The following FAM53A variants were observed in gnomAD, a reference collection of about 807,000 sequenced individuals.
FAM53A encodes the protein family with sequence similarity 53 member A, also known as protein FAM53A.
In FAM53A, 28 loss-of-function variants were observed where a neutral mutation model predicts 26.6. The ratio of observed to expected loss-of-function variants is 1.05; its 90% CI spans 0.78 to 1.45. The LOEUF is 1.45. FAM53A is among the 40% of genes most tolerant of loss of function. The pLI is 0.00. For synonymous variants in FAM53A, 290 were observed against 253.1 expected, an observed-to-expected ratio of 1.15 and a Z score of -1.38; for missense variants, 650 against 575.8, an observed-to-expected ratio of 1.13 and a Z score of -1.32.
chr4:1,655,520 C>T lies in FAM53A; in HGVS notation c.340G>A (p.Ala114Thr). 1.3e-6 allele frequency: 2 copies of T among 1,567,992 alleles called. No homozygotes were observed. Among genetic ancestry groups the T allele is most frequent in the Admixed American group, 1.9e-5 (1 of 53,230 alleles). The part of the protein sequence containing the change: ...DPSESTGSST[A>T]PPTKRHCRSL... ...CGGCAATGCCGCTTGGTCGGTGGGG[C>T]CGTGGACGAGCCTGTGCTTTCACTG... Residue 114 changes from alanine to threonine, a missense_variant, in exon 4 of 5, where the codon GCC (alanine) becomes ACC (threonine). Physicochemically the swap from Ala to Thr is moderately conservative, Grantham distance 58. Coordinates refer to ENST00000308132, the MANE Select transcript of FAM53A (RefSeq NM_001174070.3).
chr4:1,603,733 C>T, the FAM53A span, among the ~76,000 whole-genome samples: 13,421 of 152,284 alleles, frequency 0.088, 1,766 homozygotes, highest in African/African-American at 0.28. Context: ...CCCCTCGGGA[C>T]GTGCTGAAAT....
At chr4:1,673,732 CA>C (rs1204313853) in intron 1 of FAM53A, among the ~76,000 whole-genome samples, 3 of 151,306 alleles carry the variant, frequency 2.0e-5, no homozygotes, top group East Asian at 1.9e-4. Flanking sequence ...GACTCCGTTT[CA>C]AAAAAAAATC....
At chr4:1,599,003 G>A in the FAM53A span, among the ~76,000 whole-genome samples, 1 of 152,266 alleles carries the variant, frequency 6.6e-6, no homozygotes, top group South Asian at 2.1e-4. The surrounding 1 kb of genome is among the most constrained non-coding windows in gnomAD (Gnocchi z 6.1). Flanking sequence ...GGTGCGTGCG[G>A]GTGCAGCACC....
chr4:1,672,124 A>C lies in FAM53A; in HGVS notation c.-164-3219T>G, dbSNP rs548651038. 1.1e-4 allele frequency among the ~76,000 whole-genome samples: 16 copies of C among 149,204 alleles called. No homozygotes were observed. In the South Asian group the frequency reaches 3.3e-3, roughly 30 times the overall value. On this transcript the variant is annotated intron_variant, in intron 1 of 4. Coordinates refer to ENST00000308132, the MANE Select transcript of FAM53A (RefSeq NM_001174070.3). Reference sequence around the variant, plus strand: ...CAGGAACCCACAGATCCAGGAACCCAGGGACCTAGGGACCCAAAGACCCAG... The same window carrying C: ...CAGGAACCCACAGATCCAGGAACCCCGGGACCTAGGGACCCAAAGACCCAG...
downstream of FAM53A, among the ~76,000 whole-genome samples, chr4:1,636,147 A>G (rs1373868630): frequency 6.6e-6 from 1 of 152,136 alleles, no homozygotes; most frequent in Non-Finnish European, 1.5e-5. Flanking sequence ...ACGCCCGGCC[A>G]TGATACTAAT....
intron 4 of FAM53A, 112 bp downstream of exon 4, chr4:1,654,866 G>T: frequency 7.2e-7 from 1 of 1,396,562 alleles, no homozygotes. Flanking sequence ...CCAGCCCAGA[G>T]AAGACCAGCC....
chr4:1,637,631 CGGCAGGGGTG>C (rs142291972), downstream of FAM53A, among the ~76,000 whole-genome samples: 32,315 of 147,812 alleles, frequency 0.22, 3,843 homozygotes, highest in South Asian at 0.29. Context: ...GGGGGCAGCC[CGGCAGGGGTG>C]GGCAGGGGTG....
chr4:1,685,447 CAG>C (rs1179935129), upstream of FAM53A, among the ~76,000 whole-genome samples: 1 of 151,970 alleles, frequency 6.6e-6, no homozygotes, highest in African/African-American at 2.4e-5. Flanking sequence ...TGTGGGCAGA[CAG>C]ATGCATGGAG....
the FAM53A span, among the ~76,000 whole-genome samples, chr4:1,585,557 T>G: frequency 1.3e-5 from 2 of 152,068 alleles, no homozygotes; most frequent in Non-Finnish European, 2.9e-5. Context: ...GTGCTGAGAT[T>G]ACAGGTGTGA....
At chr4:1,664,539 T>C (rs1369964689) in intron 2 of FAM53A, among the ~76,000 whole-genome samples, 1 of 152,228 alleles carries the variant, frequency 6.6e-6, no homozygotes, top group East Asian at 1.9e-4. Flanking sequence ...CTATTTAAAA[T>C]ACTGACTTGT....
chr4:1,663,513 C>T (rs73798417), intron 2 of FAM53A, among the ~76,000 whole-genome samples: 11,814 of 152,148 alleles, frequency 0.078, 1,312 homozygotes, highest in African/African-American at 0.24. Flanking sequence ...CTCTCAAACA[C>T]GAACCTGATC....
intron 4 of FAM53A, 74 bp from the exon 5 acceptor site, chr4:1,641,681 G>A (rs1389712117): frequency 7.3e-6 from 11 of 1,508,650 alleles, no homozygotes; most frequent in Admixed American, 5.0e-5. Flanking sequence ...CCAACCCATC[G>A]AGGGCTCGGT....
At chr4:1,581,661 G>C in the FAM53A span, among the ~76,000 whole-genome samples, 1 of 152,194 alleles carries the variant, frequency 6.6e-6, no homozygotes, top group African/African-American at 2.4e-5. Flanking sequence ...CAATGGGGCA[G>C]TCTTGGCTCA....
chr4:1,672,024 C>CACACAGGAACCCATGAACCCAGAT (rs1714695209), intron 1 of FAM53A, among the ~76,000 whole-genome samples: 2 of 149,804 alleles, frequency 1.3e-5, no homozygotes, highest in African/African-American at 2.5e-5. Context: ...TGAACACAGG[C>CACACAGGAACCCATGAACCCAGAT]ACCCAGGAAC....
intron 4 of FAM53A, among the ~76,000 whole-genome samples, chr4:1,647,974 T>C (rs1712397988): frequency 6.6e-6 from 1 of 151,902 alleles, no homozygotes; most frequent in Non-Finnish European, 1.5e-5. Context: ...CTTTGGGAGG[T>C]GAGGCAGGAA....
intron 2 of FAM53A, among the ~76,000 whole-genome samples, chr4:1,662,927 G>GCC (rs1713946283): frequency 3.3e-5 from 5 of 152,190 alleles, no homozygotes; most frequent in Non-Finnish European, 7.3e-5. Flanking sequence ...AGGCACAGTG[G>GCC]CTCATGCCTG....
At chr4:1,604,074 G>C in the FAM53A span, among the ~76,000 whole-genome samples, 1 of 152,320 alleles carries the variant, frequency 6.6e-6, no homozygotes, top group South Asian at 2.1e-4. Flanking sequence ...CCATCATCGC[G>C]GGGTGGTCCA....
intron 4 of FAM53A, among the ~76,000 whole-genome samples, chr4:1,648,407 G>A (rs1560149515): frequency 6.6e-6 from 1 of 152,230 alleles, no homozygotes; most frequent in South Asian, 2.1e-4. Flanking sequence ...CAGTTTTTGG[G>A]TGGGATGAGC....
the FAM53A span, among the ~76,000 whole-genome samples, chr4:1,612,355 G>A: frequency 6.6e-6 from 1 of 152,240 alleles, no homozygotes; most frequent in Admixed American, 6.5e-5. Context: ...GGTGCTGCCA[G>A]TGAAGGTTAA....
Sources: gnomAD v4.1 joint callset for allele counts (sites outside exome capture counted in the v4.1 genomes callset) on GRCh38, gnomAD v4.1.1 for gene constraint, Gnocchi (gnomAD v3.1) non-coding constraint, MANE v1.5 for transcripts, NCBI Gene and HGNC (gene_info 2026-07-23, HGNC 2026-07-21) for gene names.